Variants in DLC1 observed in about 807,000 individuals in gnomAD.
DLC1 encodes rho GTPase-activating protein 7.
DLC1 carries 54 observed loss-of-function variants against 140.3 expected under a neutral mutation model. The observed-to-expected ratio is 0.38, with a 90% CI of 0.31 to 0.48. The LOEUF is 0.48. Ranked by LOEUF, DLC1 falls within the 20% of genes least tolerant of loss-of-function variation. DLC1 has a pLI of 0.96. For synonymous variants in DLC1, 986 were observed against 728.1 expected (o/e 1.35, Z -5.70); for missense variants, 2,536 against 1,907.0 (o/e 1.33, Z -6.14).
At chr8:13,519,267 A>T (rs1585236889), upstream of DLC1, among the ~76,000 whole-genome samples, 1 of 151,880 alleles carries the variant, frequency 6.6e-6, no homozygotes, top group Non-Finnish European at 1.5e-5. Flanking sequence ...AGCTGGGACT[A>T]CTGGCACCCG....
chr8:13,589,329 G>C lies in DLC1; in HGVS notation c.-126+15208C>G, dbSNP rs115411757. Among the ~76,000 whole-genome samples the C allele has an allele frequency of 2.7e-3, 404 of 152,160 alleles. 1 individual carries two copies. The highest frequency in any genetic ancestry group is 9.1e-3 in the African/African-American group (378 of 41,540). Reference sequence around the variant, plus strand: ...AACAAAATAAAGTCTTTCTAAGAATGTTTGCAAAAACTAAAGGAACATTCA... The same window carrying C: ...AACAAAATAAAGTCTTTCTAAGAATCTTTGCAAAAACTAAAGGAACATTCA... On this transcript the variant is annotated intron_variant, in intron 1 of 1. Coordinates refer to the DLC1 transcript ENST00000631382.
chr8:13,560,812 G>C (rs1203696594), intron 1 of DLC1, among the ~76,000 whole-genome samples: 2 of 152,080 alleles, frequency 1.3e-5, no homozygotes, highest in Non-Finnish European at 2.9e-5. Flanking sequence ...GACAGGCATG[G>C]AGGGAGAACA....
chr8:13,112,898 G>C (rs1281931423), intron 6 of DLC1, among the ~76,000 whole-genome samples: 2 of 151,938 alleles, frequency 1.3e-5, no homozygotes, highest in East Asian at 3.9e-4. Flanking sequence ...CTGATATTAA[G>C]GAATATTTTT....
intron 5 of DLC1, among the ~76,000 whole-genome samples, chr8:13,125,587 G>C (rs150431314): frequency 1.2e-4 from 18 of 152,204 alleles, no homozygotes; most frequent in African/African-American, 4.1e-4. Context: ...GAGGTGATTT[G>C]CTGAAGGGGC....
chr8:13,090,809 CTTT>C (rs34506663), intron 14 of DLC1, among the ~76,000 whole-genome samples: 1 of 140,654 alleles, frequency 7.1e-6, no homozygotes, highest in Non-Finnish European at 1.5e-5. Flanking sequence ...TTCTTTCTTT[CTTT>C]TTTTTTTTTT....
rs371679768 is a variant in DLC1, at chr8:13,100,904, G to GTTT, written c.1567-137_1567-135dup. The GTTT allele has an allele frequency of 7.3e-3, 4,294 of 588,110 alleles. 1 individual carries two copies. The highest frequency in any genetic ancestry group is 0.018 in the East Asian group (472 of 25,716). The allele number at this position is 588,110 out of a possible 1,614,324, so 36.4% of individuals were successfully genotyped here. A position where few individuals can be genotyped will look rare whatever the true frequency, so the allele number is the denominator to read the frequency against. ...TGTACTTCATGATTTTAATTTTAAA[G>GTTT]TTTTTTTTTTTTTTTTTTTAAAAAT... On this transcript the variant is annotated intron_variant, in intron 8 of 17. Transcript: ENST00000276297.
rs554318309 is a variant in DLC1, at chr8:13,121,826, T to C, written c.1349-6169A>G. On this transcript the variant is annotated intron_variant, in intron 5 of 17. Coordinates refer to ENST00000276297, the MANE Select transcript of DLC1 (RefSeq NM_182643.3). Reference sequence around the variant, plus strand: ...CCTCGGCCTCCCAAAGTGCTGGGATTACAGGCGTGAACCACCCGTGCCTGG... The same window carrying C: ...CCTCGGCCTCCCAAAGTGCTGGGATCACAGGCGTGAACCACCCGTGCCTGG... Among the ~76,000 whole-genome samples, 13 of 152,240 alleles carry C rather than the reference T, an allele frequency of 8.5e-5. No individual in the cohort carries two copies. In the South Asian group the frequency reaches 2.1e-3, roughly 24 times the overall value.
chr8:13,558,184 T>C (rs1050489725), intron 1 of DLC1: 1 of 152,196 alleles, frequency 6.6e-6, no homozygotes, highest in African/African-American at 2.4e-5. Context: ...GCAGGTGCTA[T>C]ATGTCTTGAG....
intron 5 of DLC1, among the ~76,000 whole-genome samples, chr8:13,175,199 A>T (rs967101189): frequency 2.6e-5 from 4 of 151,412 alleles, no homozygotes; most frequent in Non-Finnish European, 2.9e-5. Flanking sequence ...TGGGTTCTCT[A>T]TTATGTTCCA....
intron 4 of DLC1, among the ~76,000 whole-genome samples, chr8:13,386,164 G>T (rs921865938): frequency 2.0e-5 from 3 of 152,108 alleles, no homozygotes; most frequent in Admixed American, 6.5e-5. Flanking sequence ...ATGATAGCAT[G>T]CAAAGTACTA....
At chr8:13,312,386 A>AAATAATAATAATAAT (rs1554494787) in intron 4 of DLC1, among the ~76,000 whole-genome samples, 3 of 81,678 alleles carry the variant, frequency 3.7e-5, no homozygotes, top group African/African-American at 1.3e-4. Flanking sequence ...AAAAAAAAAA[A>AAATAATAATAATAAT]AATAATTTCT....
At chr8:13,530,194 A>G (rs1216589516) in intron 1 of DLC1, among the ~76,000 whole-genome samples, 1 of 152,218 alleles carries the variant, frequency 6.6e-6, no homozygotes, top group African/African-American at 2.4e-5. Context: ...GTAGTTGACC[A>G]GTGTATTACT....
In DLC1 at chr8:13,499,209, A is replaced by C. The variant is rs746825126; in HGVS notation, c.863T>G (p.Met288Arg). Residue 288 changes from methionine to arginine, a missense_variant, in exon 2 of 18, where the codon ATG becomes AGG. Met to Arg is a moderately conservative substitution (Grantham distance 91). Transcript: ENST00000276297. The part of the protein sequence containing the change: ...LLQPPSCPNG[M>R]SAENGLEKSG... ...CTTCTCCAGGCCATTTTCAGCTGAC[A>C]TTCCATTGGGGCAGGAAGGAGGCTG... 6.2e-7 allele frequency: 1 copy of C among 1,614,190 alleles called. No individual in the cohort carries two copies. Among genetic ancestry groups the C allele is most frequent in the South Asian group, 1.1e-5 (1 of 91,088 alleles).
At chr8:13,371,079 G>C (rs1321612213) in intron 4 of DLC1, among the ~76,000 whole-genome samples, 1 of 152,194 alleles carries the variant, frequency 6.6e-6, no homozygotes, top group Non-Finnish European at 1.5e-5. Context: ...AGGAAAAATG[G>C]ATGACAAAGG....
intron 2 of DLC1, among the ~76,000 whole-genome samples, chr8:13,402,947 C>A (rs1047467431): frequency 2.6e-5 from 4 of 152,190 alleles, no homozygotes; most frequent in Non-Finnish European, 5.9e-5. Flanking sequence ...TTATCTTTCA[C>A]ATGTCGGATA....
At chr8:13,332,298 A>G (rs13267245) in intron 4 of DLC1, among the ~76,000 whole-genome samples, 50,286 of 152,050 alleles carry the variant, frequency 0.33, 8,740 homozygotes, top group Middle Eastern at 0.4. Context: ...CCAGCTCCAA[A>G]TTATCTGAGC....
In DLC1 at chr8:13,401,683, C is replaced by T. The variant is rs979106270; in HGVS notation, c.1024-64G>A. The stretch of plus-strand genomic sequence containing the variant: ...CATTTCTTAATAAGAATAAAAAGTT[C>T]CCTGTTCTTCAATGTGACAAAAAGT... On this transcript the variant is annotated intron_variant, in intron 2 of 17. Coordinates refer to ENST00000276297, the MANE Select transcript of DLC1 (RefSeq NM_182643.3). The T allele has an allele frequency of 9.0e-6, 14 of 1,556,622 alleles. 1 individual carries two copies. In the South Asian group the frequency reaches 1.1e-4, roughly 12 times the overall value.
At chr8:13,379,469 G>A (rs1421397687) in intron 4 of DLC1, among the ~76,000 whole-genome samples, 2 of 152,104 alleles carry the variant, frequency 1.3e-5, no homozygotes, top group Admixed American at 1.3e-4. Context: ...CCTACAGTTG[G>A]GCAAAGAGAT....
rs145585838 is a variant in DLC1 at position 13,335,444 on chromosome 8, T to G, written c.1315-30142A>C. 4.1e-3 allele frequency among the ~76,000 whole-genome samples: 618 copies of G among 152,314 alleles called. 3 individuals are homozygous for G. The highest frequency in any genetic ancestry group is 0.01 in the Middle Eastern group (3 of 294). On this transcript the variant is annotated intron_variant, in intron 4 of 17. Transcript: ENST00000276297. ...ACTAATATTTGTAGAGAAATCAATG[T>G]GAGCACACAAAAAGTCTTTTCTAGA...
Sources: allele counts gnomAD v4.1 joint callset (sites outside exome capture counted in the v4.1 genomes callset), GRCh38; gene constraint gnomAD v4.1.1; transcripts MANE v1.5; gene names NCBI Gene and HGNC (gene_info 2026-07-23, HGNC 2026-07-21).